The following SLC12A9 variants were observed in gnomAD, a reference collection of about 807,000 sequenced individuals.
SLC12A9 encodes the protein CCC-interacting protein 1.
Under a neutral mutation model 66.0 loss-of-function variants are expected in SLC12A9, and 55 were observed. That is an observed-to-expected ratio of 0.83 (90% CI 0.67 to 1.04). The LOEUF is 1.04. SLC12A9 is among the 50% of genes least tolerant of loss of function. The pLI is 0.00. For missense variants in SLC12A9, 1,061 were observed against 1,241.9 expected, an observed-to-expected ratio of 0.85 and a Z score of 2.19; for synonymous variants, 577 against 569.0, an observed-to-expected ratio of 1.01 and a Z score of -0.20.
intron 13 of SLC12A9, 43 bp downstream of exon 13, chr7:100,862,870 C>G: frequency 6.2e-7 from 1 of 1,610,112 alleles, no homozygotes; most frequent in Non-Finnish European, 8.5e-7. Context: ...TCCTCTGTGG[C>G]CACTTCAAAT....
chr7:100,865,897 T>C lies in SLC12A9; in HGVS notation c.2037T>C (p.Asn679=). The part of the protein sequence containing the change: ...PRAPGSPRAL[N]PQDYVATVAD... ...CTCCTGGGAGCCCCCGGGCCCTCAATCCCCAGGACTATGTGGCCACGGTGG... is the reference window on the plus strand; with the variant it reads ...CTCCTGGGAGCCCCCGGGCCCTCAACCCCCAGGACTATGTGGCCACGGTGG... Residue 679 remains asparagine (N), a synonymous_variant, in exon 14 of 14, where the codon AAT becomes AAC. Coordinates refer to ENST00000354161, the MANE Select transcript of SLC12A9 (RefSeq NM_020246.4). 6.2e-7 allele frequency: 1 copy of C among 1,613,168 alleles called. No individual in the cohort carries two copies. The highest frequency in any genetic ancestry group is 8.5e-7 in the Non-Finnish European group (1 of 1,179,872).
chr7:100,841,624 A>G (rs1431699357), intron 1 of SLC12A9, among the ~76,000 whole-genome samples: 5 of 152,162 alleles, frequency 3.3e-5, no homozygotes, highest in African/African-American at 1.2e-4. Flanking sequence ...AAAAGAGTCT[A>G]TAAAATCTTA....
chr7:100,828,368 G>T (rs1462865228), intron 1 of SLC12A9, among the ~76,000 whole-genome samples: 1 of 151,660 alleles, frequency 6.6e-6, no homozygotes, highest in African/African-American at 2.4e-5. Context: ...ATGAAACCCC[G>T]TCTCTACTAA....
At chr7:100,827,131 G>A in intron 1 of SLC12A9, 1 of 1,330,766 alleles carries the variant, frequency 7.5e-7, no homozygotes, top group Non-Finnish European at 1.0e-6. Flanking sequence ...ACTCCGCGCG[G>A]GACTCCTCGT....
chr7:100,866,814 C>T lies in SLC12A9; in HGVS notation c.*209C>T. 3 of 508,826 alleles carry T rather than the reference C, an allele frequency of 5.9e-6. No individual in the cohort carries two copies. The highest frequency in any genetic ancestry group is 6.8e-5 in the South Asian group (2 of 29,198). 31.5% of individuals were successfully genotyped at this position (508,826 alleles called of 1,614,324 possible). On this transcript the variant is annotated 3_prime_UTR_variant, in exon 14 of 14. Transcript: ENST00000354161. The surrounding 1 kb of genome is among the most constrained non-coding windows in gnomAD (Gnocchi z 7.3). ...CAGCACACTAACTCTGGGTGGCTGT[C>T]CCCACCGTGCAGGGGAGGGAGTCCG...
At chr7:100,838,715 C>T (rs1265774524) in intron 1 of SLC12A9, among the ~76,000 whole-genome samples, 3 of 151,956 alleles carry the variant, frequency 2.0e-5, no homozygotes, top group African/African-American at 7.3e-5. Context: ...GAGGAGACTA[C>T]CTTTCATATT....
intron 9 of SLC12A9, chr7:100,860,926 C>T: frequency 1.2e-6 from 1 of 808,898 alleles, no homozygotes; most frequent in Non-Finnish European, 2.0e-6. Context: ...GGCTCATTGA[C>T]ACTTTGGGGG....
chr7:100,860,192 A>T lies in SLC12A9; in HGVS notation c.1178A>T (p.Asn393Ile). 1.2e-6 allele frequency: 2 copies of T among 1,613,808 alleles called. No individual in the cohort carries two copies. Among genetic ancestry groups the T allele is most frequent in the Non-Finnish European group, 1.7e-6 (2 of 1,179,938 alleles). Residue 393 changes from asparagine to isoleucine, a missense_variant, in exon 9 of 14, where the codon AAC (asparagine) becomes ATC (isoleucine). Coordinates refer to ENST00000354161, the MANE Select transcript of SLC12A9 (RefSeq NM_020246.4). ...GCCAAGGTTGTGTCCCGAGGGGGAA[A>T]CCCCTGGGCAGCTGTACTTTATTCT... ...APAKVVSRGG[N>I]PWAAVLYSWG...
intron 1 of SLC12A9, 112 bp from the exon 2 acceptor site, chr7:100,854,044 A>T: frequency 1.6e-6 from 1 of 640,340 alleles, no homozygotes; most frequent in Non-Finnish European, 2.4e-6. Flanking sequence ...TTGTATTTTT[A>T]GTAGAGAGCA....
At chr7:100,856,026 G>T in intron 4 of SLC12A9, 189 bp downstream of exon 4, 1 of 814,374 alleles carries the variant, frequency 1.2e-6, no homozygotes. Flanking sequence ...TTGCCTGCAG[G>T]GAGCTAACCA....
intron 1 of SLC12A9, among the ~76,000 whole-genome samples, chr7:100,838,592 A>C (rs1379027377): frequency 8.5e-5 from 13 of 152,050 alleles, no homozygotes. Context: ...ATCTTGGCTC[A>C]CTGCGACCTG....
intron 4 of SLC12A9, chr7:100,856,113 C>A: frequency 3.7e-6 from 1 of 268,192 alleles, no homozygotes; most frequent in Non-Finnish European, 6.9e-6. Context: ...TAGGATGGAG[C>A]TAAGAGGGAA....
chr7:100,859,869 T>C lies in SLC12A9; in HGVS notation c.978-16T>C. ...TGACGCATGATCATCCGTGTCCTCC[T>C]TTTCCTCCTTCCTAGGACCCTGCTG... On this transcript the variant is annotated splice_polypyrimidine_tract_variant and intron_variant, in intron 7 of 13. Coordinates refer to ENST00000354161, the MANE Select transcript of SLC12A9 (RefSeq NM_020246.4). 6.3e-7 allele frequency: 1 copy of C among 1,587,542 alleles called. No homozygotes were observed. The highest frequency in any genetic ancestry group is 8.6e-7 in the Non-Finnish European group (1 of 1,159,692).
chr7:100,849,298 GC>G (rs1161018520), upstream of SLC12A9, among the ~76,000 whole-genome samples: 1 of 152,070 alleles, frequency 6.6e-6, no homozygotes, highest in Admixed American at 6.6e-5. Flanking sequence ...AGGTTGGAGT[GC>G]AGTGGTGCGA....
exon 1 of SLC12A9, chr7:100,826,958 C>G (rs779262095): frequency 1.3e-6 from 2 of 1,539,816 alleles, no homozygotes; most frequent in Middle Eastern, 1.7e-4. Flanking sequence ...GGGGTGCGCC[C>G]CCCCCCGCAA....
At chr7:100,849,344 A>C (rs1814006531), upstream of SLC12A9, among the ~76,000 whole-genome samples, 1 of 151,548 alleles carries the variant, frequency 6.6e-6, no homozygotes, top group Non-Finnish European at 1.5e-5. Context: ...TCCCAGATTC[A>C]CTCTAAACTG....
rs200973992 is a variant in SLC12A9, at chr7:100,861,527, C to T, written c.1479C>T (p.Thr493=). The T allele has an allele frequency of 8.8e-5, 142 of 1,613,802 alleles. 3 individuals carry two copies. The South Asian group carries it at 1.2e-3, about 13-fold the overall frequency. Residue 493 remains threonine (T), a synonymous_variant, in exon 11 of 14, where the codon ACC becomes ACT. Transcript: ENST00000354161. The surrounding 1 kb of genome is among the most constrained non-coding windows in gnomAD (Gnocchi z 5.3). ...LLMGLLAALL[T]ARGGPSSWGY... is the part of the protein sequence containing the mutation. ...TGGGTCTGCTGGCTGCCCTGCTCAC[C>T]GCGCGAGGAGGCCCCAGTAGCTGGG... is the stretch of plus-strand genomic sequence containing the variant.
At chr7:100,857,214 A>C in intron 5 of SLC12A9, 38 bp downstream of exon 5, 2 of 1,581,154 alleles carry the variant, frequency 1.3e-6, no homozygotes, top group South Asian at 1.2e-5. Context: ...TCTCGGGGTG[A>C]GGGGTGGGCA....
At chr7:100,865,593 C>T in intron 13 of SLC12A9, 126 bp from the exon 14 acceptor site, 2 of 1,568,262 alleles carry the variant, frequency 1.3e-6, no homozygotes, top group Non-Finnish European at 1.7e-6. Context: ...CCGTAAGAGC[C>T]CGTACACAGT....
Sources: allele counts gnomAD v4.1 joint callset (sites outside exome capture counted in the v4.1 genomes callset), GRCh38; gene constraint gnomAD v4.1.1; non-coding constraint Gnocchi (gnomAD v3.1); transcripts MANE v1.5; gene names NCBI Gene and HGNC (gene_info 2026-07-23, HGNC 2026-07-21).